ASXL1: variants seen among roughly 807,000 people sequenced by gnomAD.
The protein encoded by ASXL1 is ASXL transcriptional regulator 1.
Under a neutral mutation model 89.1 loss-of-function variants are expected in ASXL1, and 65 were observed. That is an observed-to-expected ratio of 0.73 (90% CI 0.60 to 0.90). ASXL1 has a LOEUF of 0.90. Among genes scored for constraint, ASXL1 ranks in the 40% least tolerant of loss-of-function variants. ASXL1 has a pLI of 0.00. For missense variants in ASXL1, 1,786 were observed against 1,942.9 expected (o/e 0.92, Z 1.52); for synonymous variants, 739 against 746.9 (o/e 0.99, Z 0.17).
At chr20:32,382,720 C>A (rs1450642958) in intron 4 of ASXL1, among the ~76,000 whole-genome samples, 1 of 151,776 alleles carries the variant, frequency 6.6e-6, no homozygotes, top group Non-Finnish European at 1.5e-5. Flanking sequence ...TGGGAAGTTG[C>A]GACTGCAGTG....
chr20:32,408,732 A>T (rs1424522494), intron 4 of ASXL1, among the ~76,000 whole-genome samples: 5 of 150,620 alleles, frequency 3.3e-5, no homozygotes, highest in Admixed American at 2.6e-4. Context: ...TTGCATTTTC[A>T]TATAAATTTT....
intron 11 of ASXL1, 42 bp from the exon 12 acceptor site, chr20:32,433,242 C>A (rs2123250862): frequency 6.2e-7 from 1 of 1,613,532 alleles, no homozygotes; most frequent in East Asian, 2.2e-5. Flanking sequence ...AGAGACATGT[C>A]CACTCTGGCC....
chr20:32,369,001 T>C lies in ASXL1; in HGVS notation c.144-14T>C, dbSNP rs772826993. 6.3e-6 allele frequency: 10 copies of C among 1,593,512 alleles called. No individual in the cohort carries two copies. Among genetic ancestry groups the C allele is most frequent in the Admixed American group, 1.7e-5 (1 of 59,976 alleles). On this transcript the variant is annotated splice_polypyrimidine_tract_variant and intron_variant, in intron 3 of 12. Transcript: ENST00000375687. Reference sequence around the variant, plus strand: ...GATTGTATAACCCTCATCCATTCTTTTGTGGTTTTACAGTGGGACTTCCCC... The same window carrying C: ...GATTGTATAACCCTCATCCATTCTTCTGTGGTTTTACAGTGGGACTTCCCC...
intron 2 of ASXL1, among the ~76,000 whole-genome samples, chr20:32,366,895 T>C (rs2048213477): frequency 6.6e-6 from 1 of 152,158 alleles, no homozygotes; most frequent in South Asian, 2.1e-4. Context: ...CCACTGACTT[T>C]TTTCCCCTTA....
intron 4 of ASXL1, among the ~76,000 whole-genome samples, chr20:32,380,978 C>G (rs913122960): frequency 1.5e-5 from 2 of 134,970 alleles, no homozygotes; most frequent in Middle Eastern, 3.7e-3. Context: ...AATGGTTCTC[C>G]TAGCACATTC....
intron 4 of ASXL1, among the ~76,000 whole-genome samples, chr20:32,402,124 G>A (rs142702603): frequency 6.6e-4 from 100 of 152,230 alleles, no homozygotes; most frequent in African/African-American, 2.2e-3. Context: ...CTTTGAAATC[G>A]ATCCAAGTCC....
rs775071544 is a variant in ASXL1, at chr20:32,435,119, C to T, written c.2407C>T (p.Gln803Ter). 2 of 1,613,900 alleles carry T rather than the reference C, an allele frequency of 1.2e-6. No individual in the cohort carries two copies. Among genetic ancestry groups the T allele is most frequent in the Admixed American group, 1.7e-5 (1 of 60,020 alleles). ...TTSWESDDEE[Q>*]GPTVPADNGP... ...TTCCTGGGAAAGTGATGATGAGGAGCAAGGACCCACCGTTCCTGCAGACAA... is the reference window on the plus strand; with the variant it reads ...TTCCTGGGAAAGTGATGATGAGGAGTAAGGACCCACCGTTCCTGCAGACAA... The change falls in exon 13 of 13, where the codon CAA (glutamine) becomes TAA (stop). Residue 803 changes from glutamine (Q) to a stop codon, truncating the protein, a stop_gained. Transcript: ENST00000375687. LOFTEE classifies it low-confidence loss of function (END_TRUNC).
chr20:32,422,179 G>C (rs534787277), intron 4 of ASXL1, among the ~76,000 whole-genome samples: 7 of 150,890 alleles, frequency 4.6e-5, no homozygotes, highest in African/African-American at 1.7e-4. Flanking sequence ...GCGCCCGGCC[G>C]AGAGGGGTGG....
intron 4 of ASXL1, among the ~76,000 whole-genome samples, chr20:32,395,678 A>G (rs1471805387): frequency 6.6e-6 from 1 of 152,060 alleles, no homozygotes; most frequent in Non-Finnish European, 1.5e-5. Flanking sequence ...TATGTTTTTT[A>G]GTCATTTGAT....
At chr20:32,374,521 C>T (rs1360756975) in intron 4 of ASXL1, among the ~76,000 whole-genome samples, 1 of 152,152 alleles carries the variant, frequency 6.6e-6, no homozygotes, top group Non-Finnish European at 1.5e-5. Context: ...GTCTCAAACT[C>T]CTGGCCTCAA....
intron 1 of ASXL1, among the ~76,000 whole-genome samples, chr20:32,362,803 T>C (rs963901428): frequency 2.0e-5 from 3 of 152,248 alleles, no homozygotes; most frequent in Non-Finnish European, 4.4e-5. Context: ...TATTGTCTTT[T>C]CTAGGTGTAA....
rs2011468569 is a variant in ASXL1, at chr20:32,429,953, C to A, written c.618C>A (p.Ser206Arg). The A allele has an allele frequency of 6.2e-7, 1 of 1,608,732 alleles. No homozygotes were observed. The highest frequency in any genetic ancestry group is 2.2e-5 in the East Asian group (1 of 44,864). Residue 206 changes from serine (S) to arginine (R), a missense_variant, in exon 8 of 13, where the codon AGC becomes AGA. Physicochemically the swap from Ser to Arg is moderately radical, Grantham distance 110. Around this residue, in one of 3 missense-constraint regions of ASXL1, gnomAD observed 332 missense variants for 449.7 expected, o/e 0.74. Coordinates refer to ENST00000375687, the MANE Select transcript of ASXL1 (RefSeq NM_015338.6). This position sits in a 1 kb window ranked among gnomAD's most constrained non-coding sequence, Gnocchi z 4.9. Reference protein sequence around the residue: ...DGESGSPSSSSSGSLALGSAA... With the variant: ...DGESGSPSSSRSGSLALGSAA... Reference sequence around the variant, plus strand: ...AGAGCGGCAGCCCGTCCAGCAGCAGCAGCGGCTCTCTGGCCCTGGGCAGCG... The same window carrying A: ...AGAGCGGCAGCCCGTCCAGCAGCAGAAGCGGCTCTCTGGCCCTGGGCAGCG...
rs557872948 is a variant in ASXL1 at position 32,391,942 on chromosome 20, C to A, written c.252+22819C>A. On this transcript the variant is annotated intron_variant, in intron 4 of 12. Transcript: ENST00000375687. ...TCCTTTTGTGTTATACTGTCTGTTT[C>A]ATTATATTTGTAGTTGGACCTTGAT... Among the ~76,000 whole-genome samples, 3 of 150,760 alleles carry A rather than the reference C, an allele frequency of 2.0e-5. No individual in the cohort carries two copies. The South Asian group carries it at 6.3e-4, about 32-fold the overall frequency.
At chr20:32,427,750 G>A (rs1003884771) in intron 4 of ASXL1, 5 of 282,114 alleles carry the variant, frequency 1.8e-5, no homozygotes, top group Non-Finnish European at 3.5e-5. Flanking sequence ...GGGCTGCCAC[G>A]GCTCTCCATG....
At chr20:32,430,235 G>C in intron 8 of ASXL1, 182 bp downstream of exon 8, 1 of 824,338 alleles carries the variant, frequency 1.2e-6, no homozygotes. Flanking sequence ...CTGCTAAACT[G>C]TGAGAACTCC....
intron 4 of ASXL1, 144 bp from the exon 5 acceptor site, chr20:32,427,982 CTG>C: frequency 8.7e-7 from 1 of 1,148,488 alleles, no homozygotes; most frequent in East Asian, 2.6e-5. Context: ...AAAGAACTTG[CTG>C]AGAAAAAGGT....
rs929015272 is a variant in ASXL1 at position 32,361,208 on chromosome 20, A to G, written c.57+2376A>G. Among the ~76,000 whole-genome samples, 8 of 152,244 alleles carry G rather than the reference A, an allele frequency of 5.3e-5. No individual in the cohort carries two copies. In the South Asian group the frequency reaches 1.0e-3, roughly 20 times the overall value. On this transcript the variant is annotated intron_variant, in intron 1 of 12. Coordinates refer to ENST00000375687, the MANE Select transcript of ASXL1 (RefSeq NM_015338.6). Reference sequence around the variant, plus strand: ...ACAACAGCAACAAAATGAGCTGGGCATGGTGGTACACACCTGTGGTCCTAG... The same window carrying G: ...ACAACAGCAACAAAATGAGCTGGGCGTGGTGGTACACACCTGTGGTCCTAG...
At chr20:32,403,110 T>TG (rs2048902273) in intron 4 of ASXL1, among the ~76,000 whole-genome samples, 1 of 152,224 alleles carries the variant, frequency 6.6e-6, no homozygotes, top group African/African-American at 2.4e-5. Context: ...TTTTCCTTTT[T>TG]GGGGGACCAA....
Position 32,418,809 on chromosome 20 carries a change from C to CTTTTT in ASXL1, c.253-9282_253-9278dup, listed in dbSNP as rs71338437. ...AAATCAAAATGGGAAGAATTGACAT[C>CTTTTT]TTTTTTTTTTTTTTTTTTTTTTTTT... On this transcript the variant is annotated intron_variant, in intron 4 of 12. Transcript: ENST00000375687. 1.3e-3 allele frequency among the ~76,000 whole-genome samples: 73 copies of CTTTTT among 55,746 alleles called. 8 individuals carry two copies. Among genetic ancestry groups the CTTTTT allele is most frequent in the Admixed American group, 1.9e-3 (6 of 3,176 alleles). The allele number at this position is 55,746 out of a possible 152,430, so 36.6% of individuals were successfully genotyped here.
Sources: gnomAD v4.1 joint callset for allele counts (sites outside exome capture counted in the v4.1 genomes callset) on GRCh38, gnomAD v4.1.1 for gene constraint, gnomAD v4.1.1 regional missense constraint, Gnocchi (gnomAD v3.1) non-coding constraint, MANE v1.5 for transcripts, NCBI Gene and HGNC (gene_info 2026-07-23, HGNC 2026-07-21) for gene names.